The following TDRD3 variants were observed in gnomAD, a reference collection of about 807,000 sequenced individuals.
The protein encoded by TDRD3 is tudor domain-containing protein 3.
TDRD3 carries 45 observed loss-of-function variants against 86.7 expected under a neutral mutation model. The observed-to-expected ratio is 0.52, with a 90% CI of 0.41 to 0.67. The LOEUF (loss-of-function observed/expected upper bound fraction) is 0.67, where lower values mean the gene tolerates loss of function less well. TDRD3 is among the 30% of genes least tolerant of loss of function. TDRD3 has a pLI of 0.00. For synonymous variants in TDRD3, 298 were observed against 301.7 expected, an observed-to-expected ratio of 0.99 and a Z score of 0.13; for missense variants, 814 against 889.0, an observed-to-expected ratio of 0.92 and a Z score of 1.07.
intron 10 of TDRD3, among the ~76,000 whole-genome samples, chr13:60,525,498 ATTTTCT>A (rs1384780754): frequency 5.9e-5 from 9 of 151,994 alleles, no homozygotes; most frequent in African/African-American, 1.7e-4. Flanking sequence ...TTAAAAAATA[ATTTTCT>A]TTATAAATTT....
intron 12 of TDRD3, chr13:60,536,931 T>G (rs1957707846): frequency 6.6e-6 from 1 of 152,088 alleles, no homozygotes; most frequent in African/African-American, 2.4e-5. Flanking sequence ...ATCCTTGATT[T>G]TAGGTCTGTA....
At chr13:60,446,817 C>T (rs1955411246) in intron 3 of TDRD3, among the ~76,000 whole-genome samples, 1 of 152,042 alleles carries the variant, frequency 6.6e-6, no homozygotes, top group Non-Finnish European at 1.5e-5. Flanking sequence ...ATAGTAAAAG[C>T]TCCTTATTTA....
chr13:60,455,830 G>A (rs1287907319), intron 3 of TDRD3, among the ~76,000 whole-genome samples: 2 of 152,092 alleles, frequency 1.3e-5, no homozygotes, highest in Admixed American at 1.3e-4. Flanking sequence ...CACTTTAGAA[G>A]GCCAAGGTGG....
intron 5 of TDRD3, among the ~76,000 whole-genome samples, chr13:60,475,251 C>T (rs142933008): frequency 0.045 from 6,776 of 152,168 alleles, 207 homozygotes; most frequent in Non-Finnish European, 0.064. Context: ...CACCCTTCTC[C>T]CTTAAGCAGT....
At chr13:60,445,980 G>A (rs988875842) in intron 3 of TDRD3, among the ~76,000 whole-genome samples, 1 of 151,984 alleles carries the variant, frequency 6.6e-6, no homozygotes, top group Non-Finnish European at 1.5e-5. Flanking sequence ...TTGCACAGTG[G>A]TCTCTTTAAG....
Position 60,539,116 on chromosome 13 carries a change from A to G in TDRD3, c.2118+3883A>G, listed in dbSNP as rs540025417. Among the ~76,000 whole-genome samples the G allele has an allele frequency of 1.8e-4, 28 of 152,276 alleles. 1 individual carries two copies. The highest frequency in any genetic ancestry group is 6.7e-4 in the African/African-American group (28 of 41,570). On this transcript the variant is annotated intron_variant, in intron 12 of 13. Coordinates refer to ENST00000377881, the MANE Select transcript of TDRD3 (RefSeq NM_001146070.2). ...TCTTGGCCAGTAATTCTGGAAGGTG[A>G]TAGGCAAATTGTTATCGTCTTTTAG...
At chr13:60,398,483 A>G (rs1425552252) in intron 1 of TDRD3, among the ~76,000 whole-genome samples, 1 of 152,222 alleles carries the variant, frequency 6.6e-6, no homozygotes, top group East Asian at 1.9e-4. Flanking sequence ...TGCAGAACCT[A>G]CACAAGATCT....
In TDRD3 at chr13:60,528,907, G is replaced by T. The variant is rs149598963; in HGVS notation, c.1682G>T (p.Gly561Val). 5.1e-3 allele frequency: 8,295 copies of T among 1,612,812 alleles called. 31 individuals carry two copies. The highest frequency in any genetic ancestry group is 6.2e-3 in the Non-Finnish European group (7,275 of 1,179,574). ...ACAATAAATAATGAAGCTTTCAGTGGTATAAAAATTGAAAAACATTTTAAT... is the reference window on the plus strand; with the variant it reads ...ACAATAAATAATGAAGCTTTCAGTGTTATAAAAATTGAAAAACATTTTAAT... The part of the protein sequence containing the change: ...SQTINNEAFS[G>V]IKIEKHFNVN... Residue 561 changes from glycine (G) to valine (V), a missense_variant, in exon 11 of 14, where the codon GGT becomes GTT. Transcript: ENST00000377881.
At chr13:60,532,294 C>T (rs750593741) in intron 11 of TDRD3, among the ~76,000 whole-genome samples, 5 of 152,240 alleles carry the variant, frequency 3.3e-5, no homozygotes, top group Admixed American at 6.5e-5. Flanking sequence ...TGATCTTCTA[C>T]GATGGCTACT....
At chr13:60,420,181 TAACAAC>T (rs543442625) in intron 1 of TDRD3, among the ~76,000 whole-genome samples, 17 of 152,058 alleles carry the variant, frequency 1.1e-4, no homozygotes, top group African/African-American at 4.1e-4. Flanking sequence ...GTTTTTTACC[TAACAAC>T]AACAACAACA....
chr13:60,534,235 C>G (rs1957648576), intron 11 of TDRD3, among the ~76,000 whole-genome samples: 1 of 152,110 alleles, frequency 6.6e-6, no homozygotes, highest in Non-Finnish European at 1.5e-5. Context: ...ACAACTTGAG[C>G]CCAGGAGTTT....
intron 12 of TDRD3, among the ~76,000 whole-genome samples, chr13:60,548,878 GT>G (rs767115167): frequency 2.8e-4 from 43 of 152,066 alleles, no homozygotes; most frequent in Non-Finnish European, 4.4e-4. Context: ...TAATCCCATA[GT>G]TGCTAATGTC....
chr13:60,539,235 C>T (rs965884278), intron 12 of TDRD3, among the ~76,000 whole-genome samples: 2 of 152,008 alleles, frequency 1.3e-5, no homozygotes, highest in Non-Finnish European at 2.9e-5. Context: ...TTGTCGGGCA[C>T]TGTTCTAGGT....
At chr13:60,440,284 C>A (rs1955228538) in intron 2 of TDRD3, among the ~76,000 whole-genome samples, 2 of 151,236 alleles carry the variant, frequency 1.3e-5, no homozygotes, top group African/African-American at 4.9e-5. Context: ...GTGTATATTT[C>A]TTTTCAACTC....
In TDRD3 at chr13:60,485,957, T is replaced by G; in HGVS notation, c.717+9T>G. 1 of 1,594,884 alleles carries G rather than the reference T, an allele frequency of 6.3e-7. No homozygotes were observed. The highest frequency in any genetic ancestry group is 8.5e-7 in the Non-Finnish European group (1 of 1,173,016). On this transcript the variant is annotated intron_variant, in intron 7 of 13. Coordinates refer to ENST00000377881, the MANE Select transcript of TDRD3 (RefSeq NM_001146070.2). ...TTGCAAAGAGCAAGGAAGTAAGAAA[T>G]CAAATCATTACACGTTTTATTTCTT... is the stretch of plus-strand genomic sequence containing the variant.
In TDRD3 at chr13:60,509,890, A is replaced by C; in HGVS notation, c.986A>C (p.Gln329Pro). The C allele has an allele frequency of 6.2e-7, 1 of 1,613,734 alleles. No homozygotes were observed. Among genetic ancestry groups the C allele is most frequent in the Non-Finnish European group, 8.5e-7 (1 of 1,179,642 alleles). The change falls in exon 9 of 14, where the codon CAG becomes CCG. Residue 329 changes from glutamine to proline, a missense_variant. Physicochemically the swap from Gln to Pro is moderately conservative, Grantham distance 76. Transcript: ENST00000377881. Reference protein sequence around the residue: ...ALNVLLTSNKQKPVMGPPLRG... With the variant: ...ALNVLLTSNKPKPVMGPPLRG... ...AACGTACTTCTTACAAGCAATAAAC[A>C]GAAACCTGTTATGGGTCCTCCTCTG... is the stretch of plus-strand genomic sequence containing the variant.
At chr13:60,477,054 A>G (rs900214390) in intron 5 of TDRD3, among the ~76,000 whole-genome samples, 2 of 151,922 alleles carry the variant, frequency 1.3e-5, no homozygotes, top group African/African-American at 4.8e-5. Context: ...TTTCTCTTGC[A>G]TAATTCCTCT....
At chr13:60,497,595 A>G (rs1425707551) in intron 8 of TDRD3, among the ~76,000 whole-genome samples, 1 of 152,186 alleles carries the variant, frequency 6.6e-6, no homozygotes, top group African/African-American at 2.4e-5. Flanking sequence ...AAAAACAGAC[A>G]CAAGCTCTTA....
At chr13:60,426,955 G>A (rs544609304) in intron 1 of TDRD3, among the ~76,000 whole-genome samples, 25 of 152,256 alleles carry the variant, frequency 1.6e-4, no homozygotes, top group East Asian at 5.8e-4. Context: ...GCATGTTATC[G>A]TACTGAATAC....
Sources: allele counts gnomAD v4.1 joint callset (sites outside exome capture counted in the v4.1 genomes callset), GRCh38; gene constraint gnomAD v4.1.1; transcripts MANE v1.5; gene names NCBI Gene and HGNC (gene_info 2026-07-23, HGNC 2026-07-21).